MACROD2: variants seen among roughly 807,000 people sequenced by gnomAD.
The protein encoded by MACROD2 is ADP-ribose glycohydrolase MACROD2.
A neutral mutation model predicts 70.4 loss-of-function variants in MACROD2; 36 were observed. That is an observed-to-expected ratio of 0.51 (90% confidence interval 0.39 to 0.68). The LOEUF (loss-of-function observed/expected upper bound fraction) is 0.68, where lower values mean the gene tolerates loss of function less well. MACROD2 is among the 30% of genes least tolerant of loss of function. The pLI is 0.00. For synonymous variants in MACROD2, 172 were observed against 178.8 expected (o/e 0.96, Z 0.30); for missense variants, 496 against 538.4 (o/e 0.92, Z 0.78).
At chr20:15,390,942 A>G (rs1226280165) in intron 6 of MACROD2, among the ~76,000 whole-genome samples, 5 of 152,210 alleles carry the variant, frequency 3.3e-5, no homozygotes, top group Admixed American at 2.0e-4. Flanking sequence ...TCATTGATGC[A>G]TTGTTCATTT....
At chr20:15,399,347 G>A (rs889258632) in intron 6 of MACROD2, among the ~76,000 whole-genome samples, 3 of 152,154 alleles carry the variant, frequency 2.0e-5, no homozygotes, top group African/African-American at 7.2e-5. Context: ...TCTGCAAAAG[G>A]TGACAGACCC....
chr20:16,036,811 G>T (rs921914253), intron 15 of MACROD2, among the ~76,000 whole-genome samples: 2 of 151,868 alleles, frequency 1.3e-5, no homozygotes, highest in Non-Finnish European at 2.9e-5. Flanking sequence ...ACACATGCAC[G>T]CACGCACATG....
intron 3 of MACROD2, among the ~76,000 whole-genome samples, chr20:14,209,922 CTAT>C (rs2081556920): frequency 6.6e-6 from 1 of 152,108 alleles, no homozygotes; most frequent in Non-Finnish European, 1.5e-5. Context: ...TGGCTACTCA[CTAT>C]TATTCAGACC....
chr20:14,903,244 T>C (rs780113319), intron 5 of MACROD2, among the ~76,000 whole-genome samples: 6 of 152,006 alleles, frequency 3.9e-5, no homozygotes, highest in East Asian at 1.9e-4. Flanking sequence ...TTTCACCATA[T>C]TGGCCAAGCT....
intron 8 of MACROD2, among the ~76,000 whole-genome samples, chr20:15,530,923 T>C (rs924886921): frequency 1.3e-5 from 2 of 151,922 alleles, no homozygotes; most frequent in African/African-American, 2.4e-5. Context: ...TATCCTTAGA[T>C]ACTTTTTAAT....
intron 3 of MACROD2, among the ~76,000 whole-genome samples, chr20:14,403,373 C>A (rs966191461): frequency 2.6e-5 from 4 of 152,134 alleles, no homozygotes; most frequent in African/African-American, 9.6e-5. Flanking sequence ...TTTACACATC[C>A]CCCTGCCCTC....
chr20:14,521,306 A>C (rs1255683690), intron 4 of MACROD2, among the ~76,000 whole-genome samples: 2 of 152,156 alleles, frequency 1.3e-5, no homozygotes, highest in African/African-American at 4.8e-5. Flanking sequence ...TGCTTATCAC[A>C]GTCTCCAGTA....
At chr20:14,463,257 T>C (rs2084394340) in intron 3 of MACROD2, among the ~76,000 whole-genome samples, 1 of 152,038 alleles carries the variant, frequency 6.6e-6, no homozygotes, top group African/African-American at 2.4e-5. Flanking sequence ...TCACATCCCT[T>C]GTAAGTTGGA....
intron 5 of MACROD2, among the ~76,000 whole-genome samples, chr20:15,219,002 C>T (rs2076835014): frequency 6.6e-6 from 1 of 151,868 alleles, no homozygotes; most frequent in Non-Finnish European, 1.5e-5. Flanking sequence ...TCCGAGATAG[C>T]GCCACTGCAC....
intron 10 of MACROD2, among the ~76,000 whole-genome samples, chr20:15,926,633 A>G (rs975390997): frequency 1.3e-5 from 2 of 152,156 alleles, no homozygotes; most frequent in Non-Finnish European, 2.9e-5. Flanking sequence ...TACAGATCTC[A>G]TTGAAAGGGG....
intron 6 of MACROD2, among the ~76,000 whole-genome samples, chr20:15,361,799 T>C (rs1366225700): frequency 1.3e-5 from 2 of 152,162 alleles, no homozygotes; most frequent in African/African-American, 4.8e-5. Flanking sequence ...TACTTAATGA[T>C]GTCATTTTTG....
chr20:14,389,266 C>CA (rs1209757479), intron 3 of MACROD2, among the ~76,000 whole-genome samples: 2 of 151,420 alleles, frequency 1.3e-5, no homozygotes, highest in Admixed American at 1.3e-4. Flanking sequence ...ACTAAAAATA[C>CA]AAAAAATTAA....
intron 8 of MACROD2, among the ~76,000 whole-genome samples, chr20:15,522,470 T>C (rs1349402634): frequency 1.3e-5 from 2 of 152,194 alleles, no homozygotes; most frequent in African/African-American, 2.4e-5. Flanking sequence ...GTGTTCTCAT[T>C]TGCAAAGATA....
chr20:14,641,372 A>C (rs984285044), intron 4 of MACROD2, among the ~76,000 whole-genome samples: 8 of 152,190 alleles, frequency 5.3e-5, no homozygotes, highest in Non-Finnish European at 1.0e-4. Flanking sequence ...GCTGAAATCA[A>C]CTTATTCCAA....
At chr20:14,989,253 T>C (rs2074878351) in intron 5 of MACROD2, among the ~76,000 whole-genome samples, 1 of 152,160 alleles carries the variant, frequency 6.6e-6, no homozygotes, top group African/African-American at 2.4e-5. Flanking sequence ...AATAGAGAAA[T>C]ATCCTGGGTG....
chr20:15,490,899 C>G (rs2146474113), intron 7 of MACROD2, among the ~76,000 whole-genome samples: 1 of 152,294 alleles, frequency 6.6e-6, no homozygotes, highest in East Asian at 1.9e-4. Flanking sequence ...CAACACTCAG[C>G]TTTTCTCCCA....
chr20:14,958,288 G>C (rs1468023859), intron 5 of MACROD2, among the ~76,000 whole-genome samples: 1 of 152,210 alleles, frequency 6.6e-6, no homozygotes, highest in African/African-American at 2.4e-5. Context: ...TAAATAACTA[G>C]GACTATCTTT....
chr20:15,919,521 G>T (rs1437444861), intron 10 of MACROD2, among the ~76,000 whole-genome samples: 1 of 152,152 alleles, frequency 6.6e-6, no homozygotes, highest in Non-Finnish European at 1.5e-5. Context: ...CAGATCATGA[G>T]GTCAGGAGTT....
At chr20:15,550,509 T>C (rs1339338308) in intron 8 of MACROD2, among the ~76,000 whole-genome samples, 3 of 152,188 alleles carry the variant, frequency 2.0e-5, no homozygotes, top group African/African-American at 7.2e-5. Flanking sequence ...TTGATTCCGT[T>C]ACCAGGATGG....
Sources: allele counts gnomAD v4.1 joint callset (sites outside exome capture counted in the v4.1 genomes callset), GRCh38; gene constraint gnomAD v4.1.1; transcripts MANE v1.5; gene names NCBI Gene and HGNC (gene_info 2026-07-23, HGNC 2026-07-21).